GPR39: variants seen among roughly 807,000 people sequenced by gnomAD.
GPR39 encodes zinc sensing receptor.
Under a neutral mutation model 18.4 loss-of-function variants are expected in GPR39, and 23 were observed. That is an observed-to-expected ratio of 1.25 (90% CI 0.90 to 1.77). The LOEUF (loss-of-function observed/expected upper bound fraction) is 1.77, where lower values mean the gene tolerates loss of function less well. Among genes scored for constraint, GPR39 ranks in the 40% most tolerant of loss-of-function variants. The probability of loss-of-function intolerance (pLI) is 0.00; values close to 1 mark genes in which losing one functional copy is unlikely to be tolerated. For synonymous variants in GPR39, 280 were observed against 257.9 expected (o/e 1.09, Z -0.82); for missense variants, 647 against 602.4 (o/e 1.07, Z -0.78).
At chr2:132,476,853 G>A (rs917610334) in intron 1 of GPR39, among the ~76,000 whole-genome samples, 2 of 152,068 alleles carry the variant, frequency 1.3e-5, no homozygotes, top group African/African-American at 2.4e-5. Flanking sequence ...GTCATTCGTG[G>A]GAAGGAAGGG....
chr2:132,438,980 T>G (rs770937659), intron 1 of GPR39, among the ~76,000 whole-genome samples: 8 of 152,202 alleles, frequency 5.3e-5, no homozygotes, highest in Non-Finnish European at 1.0e-4. Flanking sequence ...CATAAGTGAT[T>G]AGTGGCAAAT....
Position 132,456,051 on chromosome 2 carries a change from A to G in GPR39, c.856+38153A>G, listed in dbSNP as rs574196542. On this transcript the variant is annotated intron_variant, in intron 1 of 1. Transcript: ENST00000329321. ...GATATCCTTGTTAACCTTCTGTCTC[A>G]TTGATCTGTCTAATATTGACAGTGG... 3.3e-5 allele frequency among the ~76,000 whole-genome samples: 5 copies of G among 152,284 alleles called. No homozygotes were observed. In the East Asian group the frequency reaches 5.8e-4, roughly 18 times the overall value.
intron 1 of GPR39, among the ~76,000 whole-genome samples, chr2:132,596,836 A>G (rs1558852807): frequency 6.6e-6 from 1 of 152,224 alleles, no homozygotes; most frequent in Non-Finnish European, 1.5e-5. Context: ...AAATGTTTCT[A>G]AAAAGATCCC....
intron 1 of GPR39, among the ~76,000 whole-genome samples, chr2:132,531,932 TA>T (rs1384674370): frequency 6.6e-6 from 1 of 151,972 alleles, no homozygotes; most frequent in African/African-American, 2.4e-5. Context: ...ACATCACAAT[TA>T]AAAGAACTAG....
chr2:132,417,629 C>T lies in GPR39; in HGVS notation c.587C>T (p.Thr196Ile). 2.5e-6 allele frequency: 4 copies of T among 1,614,084 alleles called. No individual in the cohort carries two copies. Among genetic ancestry groups the T allele is most frequent in the African/African-American group, 2.7e-5 (2 of 75,028 alleles). Residue 196 changes from threonine (T) to isoleucine (I), a missense_variant, in exon 1 of 2, where the codon ACC becomes ATC. Physicochemically the swap from Thr to Ile is moderately conservative, Grantham distance 89. Transcript: ENST00000329321. ...HRGLTCNRSS[T>I]RHHEQPETSN... ...GGTCTCACTTGCAACCGCTCCAGCA[C>T]CCGCCACCACGAGCAGCCCGAGACC...
chr2:132,522,283 C>T (rs1377802723), intron 1 of GPR39, among the ~76,000 whole-genome samples: 1 of 152,186 alleles, frequency 6.6e-6, no homozygotes, highest in African/African-American at 2.4e-5. Flanking sequence ...AAAATGATCG[C>T]TCATTTATTT....
chr2:132,441,979 G>A (rs1168715912), intron 1 of GPR39, among the ~76,000 whole-genome samples: 1 of 152,130 alleles, frequency 6.6e-6, no homozygotes, highest in African/African-American at 2.4e-5. Flanking sequence ...CCTTGAAAAT[G>A]CAGTTTTTTT....
At chr2:132,533,463 A>G (rs1385916494) in intron 1 of GPR39, among the ~76,000 whole-genome samples, 1 of 136,290 alleles carries the variant, frequency 7.3e-6, no homozygotes, top group Non-Finnish European at 1.6e-5. Flanking sequence ...TCAAGCTACC[A>G]ATGACTTTCT....
intron 1 of GPR39, among the ~76,000 whole-genome samples, chr2:132,600,493 A>G (rs905272650): frequency 6.6e-6 from 1 of 152,176 alleles, no homozygotes; most frequent in Non-Finnish European, 1.5e-5. Flanking sequence ...CTAGACTAAA[A>G]GAAGGACTCA....
chr2:132,538,173 C>T (rs1180820140), intron 1 of GPR39, among the ~76,000 whole-genome samples: 3 of 152,204 alleles, frequency 2.0e-5, no homozygotes, highest in Admixed American at 6.5e-5. Flanking sequence ...TTTTCCTCAT[C>T]ATCATGGATT....
intron 1 of GPR39, among the ~76,000 whole-genome samples, chr2:132,605,450 A>G (rs1681118286): frequency 6.6e-6 from 1 of 151,954 alleles, no homozygotes; most frequent in South Asian, 2.1e-4. Context: ...CCAAATGAAC[A>G]TCTCATTGAT....
chr2:132,533,933 C>A (rs962454406), intron 1 of GPR39, among the ~76,000 whole-genome samples: 1 of 152,134 alleles, frequency 6.6e-6, no homozygotes, highest in African/African-American at 2.4e-5. Context: ...TAGGCATGGG[C>A]AAGGACTTCA....
At chr2:132,630,166 T>C (rs10194752) in intron 1 of GPR39, among the ~76,000 whole-genome samples, 58,276 of 151,900 alleles carry the variant, frequency 0.38, 13,103 homozygotes, top group African/African-American at 0.64. Context: ...CACATGGCGG[T>C]GCAAAGACTG....
intron 1 of GPR39, among the ~76,000 whole-genome samples, chr2:132,585,580 C>A (rs1440392182): frequency 6.6e-6 from 1 of 152,240 alleles, no homozygotes; most frequent in East Asian, 1.9e-4. Context: ...GGACTTCGAA[C>A]CGCCGGCGCG....
At chr2:132,439,271 A>ATT (rs1281367027) in intron 1 of GPR39, among the ~76,000 whole-genome samples, 1 of 152,202 alleles carries the variant, frequency 6.6e-6, no homozygotes, top group African/African-American at 2.4e-5. Context: ...TCTTTATTTT[A>ATT]TTTTATTTTT....
Position 132,598,919 on chromosome 2 carries a change from C to T in GPR39, c.857-46182C>T, listed in dbSNP as rs534265820. 2.6e-5 allele frequency among the ~76,000 whole-genome samples: 4 copies of T among 151,998 alleles called. 1 individual carries two copies. The highest frequency in any genetic ancestry group is 6.6e-5 in the Admixed American group (1 of 15,260). On this transcript the variant is annotated intron_variant, in intron 1 of 1. Transcript: ENST00000329321. ...CAGGCACATGGAGAGCATCCAGGCACGAGAAAGAAAGGGATGAGCTGCTGG... is the reference window on the plus strand; with the variant it reads ...CAGGCACATGGAGAGCATCCAGGCATGAGAAAGAAAGGGATGAGCTGCTGG...
rs774875035 is a variant in GPR39 at position 132,645,166 on chromosome 2, G to A, written c.922G>A (p.Ala308Thr). The A allele has an allele frequency of 2.5e-6, 4 of 1,614,062 alleles. No individual in the cohort carries two copies. In the African/African-American group the frequency reaches 5.3e-5, roughly 22 times the overall value. ...CCAGATTCGGAGGATCATGGCTGCG[G>A]CCAAACCCAAGCACGACTGGACGAG... is the stretch of plus-strand genomic sequence containing the variant. Reference protein sequence around the residue: ...PNQIRRIMAAAKPKHDWTRSY... With the variant: ...PNQIRRIMAATKPKHDWTRSY... The change falls in exon 2 of 2, where the codon GCC becomes ACC. Residue 308 changes from alanine (A) to threonine (T), a missense_variant. Ala to Thr is a moderately conservative substitution (Grantham distance 58). Around this residue, in one of 3 missense-constraint regions of GPR39, gnomAD observed 581 missense variants for 506.8 expected, o/e 1.15. Coordinates refer to ENST00000329321, the MANE Select transcript of GPR39 (RefSeq NM_001508.3).
chr2:132,451,009 G>A (rs1680621666), intron 1 of GPR39, among the ~76,000 whole-genome samples: 1 of 152,184 alleles, frequency 6.6e-6, no homozygotes, highest in African/African-American at 2.4e-5. Flanking sequence ...GATGCCAGAG[G>A]AAAAGGGCTG....
At chr2:132,461,976 G>C (rs987115609) in intron 1 of GPR39, among the ~76,000 whole-genome samples, 5 of 152,178 alleles carry the variant, frequency 3.3e-5, no homozygotes, top group African/African-American at 4.8e-5. Context: ...ATTCAGGCTG[G>C]CTGAGGCCAA....
Sources: allele counts gnomAD v4.1 joint callset (sites outside exome capture counted in the v4.1 genomes callset), GRCh38; gene constraint gnomAD v4.1.1; regional missense constraint gnomAD v4.1.1; transcripts MANE v1.5; gene names NCBI Gene and HGNC (gene_info 2026-07-23, HGNC 2026-07-21).